Variants in SMG1 observed in about 807,000 individuals in gnomAD.
SMG1 encodes SMG1 nonsense mediated mRNA decay associated PI3K related kinase, also known as serine/threonine-protein kinase SMG1.
A neutral mutation model predicts 419.9 loss-of-function variants in SMG1; 22 were observed. The observed-to-expected ratio is 0.05, with a 90% CI of 0.04 to 0.07. The LOEUF is 0.07. Among genes scored for constraint, SMG1 ranks in the 10% least tolerant of loss-of-function variants. The pLI, the probability that SMG1 is intolerant of heterozygous loss-of-function variation, is 1.00. For synonymous variants in SMG1, 1,538 were observed against 1,553.5 expected, an observed-to-expected ratio of 0.99 and a Z score of 0.23; for missense variants, 3,185 against 4,342.0, an observed-to-expected ratio of 0.73 and a Z score of 7.49.
intron 26 of SMG1, among the ~76,000 whole-genome samples, chr16:18,859,935 G>C (rs1482076838): frequency 6.6e-6 from 1 of 152,070 alleles, no homozygotes; most frequent in African/African-American, 2.4e-5. Flanking sequence ...TCAGTAAGTC[G>C]AGGCCAGGCG....
intron 38 of SMG1, among the ~76,000 whole-genome samples, chr16:18,847,071 C>CAT (rs56212227): frequency 1 from 152,024 of 152,314 alleles, 75,869 homozygotes; most frequent in Middle Eastern, 1. Flanking sequence ...AATTATATCA[C>CAT]GTTACAACAT....
At position 18,842,203 on chromosome 16, in the gene SMG1, C is replaced by A. The variant is rs776465238; in HGVS notation, c.6466+5G>T. The A allele has an allele frequency of 6.2e-7, 1 of 1,609,998 alleles. No homozygotes were observed. The highest frequency in any genetic ancestry group is 1.1e-5 in the South Asian group (1 of 90,440). On this transcript the variant is annotated splice_donor_5th_base_variant and intron_variant, in intron 40 of 62. Coordinates refer to ENST00000446231, the MANE Select transcript of SMG1 (RefSeq NM_015092.5). ...CTGAAAAATGGAGGAAGTCTTAAAT[C>A]CTACCTTTGAAAAGATAAGGATAGC...
rs951522205 is a variant in SMG1 at position 18,809,537 on chromosome 16, C to T, written c.*32G>A. 1.9e-6 allele frequency: 3 copies of T among 1,552,466 alleles called. No individual in the cohort carries two copies. Among genetic ancestry groups the T allele is most frequent in the Middle Eastern group, 1.7e-4 (1 of 6,006 alleles). The stretch of plus-strand genomic sequence containing the variant: ...GTTGATTCTGGTGGATGTCTGACCT[C>T]GCTTAACCAGACTCATCTACTGTCT... On this transcript the variant is annotated 3_prime_UTR_variant, in exon 63 of 63. Transcript: ENST00000446231.
At chr16:18,845,368 T>G in intron 39 of SMG1, 61 bp downstream of exon 39, 5 of 1,414,062 alleles carry the variant, frequency 3.5e-6, no homozygotes, top group Non-Finnish European at 4.9e-6. Flanking sequence ...TTATTGAAAT[T>G]TCGTATCTCA....
At position 18,896,913 on chromosome 16, in the gene SMG1, A is replaced by C. The variant is rs2037154035; in HGVS notation, c.136T>G (p.Ser46Ala). The change falls in exon 2 of 63, where the codon TCA becomes GCA. Residue 46 changes from serine (S) to alanine (A), a missense_variant. Coordinates refer to ENST00000446231, the MANE Select transcript of SMG1 (RefSeq NM_015092.5). The stretch of plus-strand genomic sequence containing the variant: ...GAAGAACCACCTCTATCTCTGGATG[A>C]AGAATATTTTAAATTATCTGGGTCG... Reference protein sequence around the residue: ...SADPDNLKYSSSRDRGGSSSY... With the variant: ...SADPDNLKYSASRDRGGSSSY... The C allele has an allele frequency of 1.3e-6, 2 of 1,597,912 alleles. No individual in the cohort carries two copies. The highest frequency in any genetic ancestry group is 1.7e-6 in the Non-Finnish European group (2 of 1,171,432).
At chr16:18,862,279 C>G (rs1239249276) in intron 25 of SMG1, among the ~76,000 whole-genome samples, 1 of 152,058 alleles carries the variant, frequency 6.6e-6, no homozygotes, top group Non-Finnish European at 1.5e-5. Flanking sequence ...TTTTGAATGG[C>G]CTCCTCTTCT....
At chr16:18,869,046 C>T in intron 20 of SMG1, 58 bp downstream of exon 20, 6 of 1,382,480 alleles carry the variant, frequency 4.3e-6, no homozygotes, top group South Asian at 1.2e-5. Flanking sequence ...ATTTAAGAAT[C>T]CAGTATTTCT....
At chr16:18,924,895 T>G (rs1411045050) in intron 1 of SMG1, 1 of 152,246 alleles carries the variant, frequency 6.6e-6, no homozygotes, top group Non-Finnish European at 1.5e-5. Context: ...TGGAATTACA[T>G]GTAACTATCA....
At chr16:18,850,554 T>G (rs1223998316) in intron 33 of SMG1, 87 bp from the exon 34 acceptor site, 2 of 861,782 alleles carry the variant, frequency 2.3e-6, no homozygotes, top group Non-Finnish European at 3.5e-6. Flanking sequence ...TAAAAAATTC[T>G]TCTCATATAT....
intron 40 of SMG1, 126 bp downstream of exon 40, chr16:18,842,082 C>A: frequency 9.2e-7 from 1 of 1,083,172 alleles, no homozygotes; most frequent in Non-Finnish European, 1.3e-6. Flanking sequence ...ATATAGGGCA[C>A]TGCAGGCTAA....
intron 1 of SMG1, among the ~76,000 whole-genome samples, chr16:18,917,778 T>C (rs1352486306): frequency 6.6e-6 from 1 of 150,874 alleles, no homozygotes; most frequent in African/African-American, 2.4e-5. Context: ...GGTTTCTCCA[T>C]GTTGGTCAGG....
At chr16:18,875,758 T>C (rs1041751919) in intron 13 of SMG1, 1 of 300,960 alleles carries the variant, frequency 3.3e-6, no homozygotes, top group African/African-American at 2.2e-5. Flanking sequence ...AAGAAAAAAG[T>C]ACCAGGGGAA....
chr16:18,831,330 C>A (rs2033157026), intron 51 of SMG1, among the ~76,000 whole-genome samples: 2 of 151,760 alleles, frequency 1.3e-5, no homozygotes, highest in East Asian at 1.9e-4. Context: ...TTGAGATTAC[C>A]CAAAAAAAGC....
chr16:18,827,162 C>G (rs995069322), intron 55 of SMG1, among the ~76,000 whole-genome samples: 2 of 152,038 alleles, frequency 1.3e-5, no homozygotes, highest in Non-Finnish European at 2.9e-5. Context: ...TGCGGTGGCT[C>G]AAGCCTGCAA....
Position 18,926,004 on chromosome 16 carries a change from C to T in SMG1, c.38G>A (p.Gly13Asp). The change falls in exon 1 of 63, where the codon GGC becomes GAC. Residue 13 changes from glycine to aspartate, a missense_variant. Transcript: ENST00000446231. ...RRAPGSRLSSGGGGGGTKYPR... is the reference protein window; with the variant it reads ...RRAPGSRLSSDGGGGGTKYPR... ...ATACTTGGTGCCGCCGCCGCCGCCG[C>T]CGCTGCTCAGCCGAGACCCCGGGGC... The T allele has an allele frequency of 6.3e-7, 1 of 1,581,334 alleles. No homozygotes were observed.
In SMG1 at chr16:18,926,095, G is replaced by A; in HGVS notation, c.-54C>T. On this transcript the variant is annotated 5_prime_UTR_variant, in exon 1 of 63. Coordinates refer to ENST00000446231, the MANE Select transcript of SMG1 (RefSeq NM_015092.5). ...GCCGCCGCCCAAAGAAGCGCGAGTC[G>A]CCGCCCGAACCGGCCGCCGCCGACA... is the stretch of plus-strand genomic sequence containing the variant. 2.7e-6 allele frequency: 4 copies of A among 1,488,268 alleles called. No homozygotes were observed. The highest frequency in any genetic ancestry group is 2.7e-6 in the Non-Finnish European group (3 of 1,121,166). 92.2% of individuals were successfully genotyped at this position (1,488,268 alleles called of 1,614,324 possible).
In SMG1 at chr16:18,834,574, C is replaced by T. The variant is rs889171646; in HGVS notation, c.8331-136G>A. ...GGTAGATGACTTCAGGCCAGGAGTT[C>T]GAGACCAGCCTGATCAATATGGCAA... On this transcript the variant is annotated intron_variant, in intron 49 of 62. Transcript: ENST00000446231. 16 of 786,836 alleles carry T rather than the reference C, an allele frequency of 2.0e-5. No individual in the cohort carries two copies. In the African/African-American group the frequency reaches 2.1e-4, roughly 10 times the overall value. 48.7% of individuals were successfully genotyped at this position (786,836 alleles called of 1,614,324 possible).
At chr16:18,849,843 A>G (rs2141374601) in intron 35 of SMG1, 106 bp downstream of exon 35, 1 of 1,101,280 alleles carries the variant, frequency 9.1e-7, no homozygotes, top group East Asian at 2.6e-5. Context: ...TAATCTGGCT[A>G]TTCTTTTTAC....
At chr16:18,863,214 T>G (rs2035303830) in intron 25 of SMG1, among the ~76,000 whole-genome samples, 1 of 152,206 alleles carries the variant, frequency 6.6e-6, no homozygotes, top group South Asian at 2.1e-4. Flanking sequence ...AGTTTTGAAT[T>G]ACAGAATAAA....
Sources: allele counts gnomAD v4.1 joint callset (sites outside exome capture counted in the v4.1 genomes callset), GRCh38; gene constraint gnomAD v4.1.1; transcripts MANE v1.5; gene names NCBI Gene and HGNC (gene_info 2026-07-23, HGNC 2026-07-21).